Variants in OBSL1 observed in about 807,000 individuals in gnomAD.
OBSL1 encodes obscurin-like protein 1.
A neutral mutation model predicts 172.0 loss-of-function variants in OBSL1; 160 were observed. That is an observed-to-expected ratio of 0.93 (90% confidence interval 0.82 to 1.06). The LOEUF is 1.06. Ranked by LOEUF, OBSL1 falls within the 50% of genes least tolerant of loss-of-function variation. OBSL1 has a pLI of 0.00. For synonymous variants in OBSL1, 1,200 were observed against 1,196.3 expected, an observed-to-expected ratio of 1.00 and a Z score of -0.06; for missense variants, 2,681 against 2,715.4, an observed-to-expected ratio of 0.99 and a Z score of 0.28.
chr2:219,571,117 G>C lies in OBSL1; in HGVS notation c.116C>G (p.Pro39Arg). 1 of 1,470,098 alleles carries C rather than the reference G, an allele frequency of 6.8e-7. No individual in the cohort carries two copies. Among genetic ancestry groups the C allele is most frequent in the South Asian group, 1.3e-5 (1 of 76,412 alleles). 91.1% of individuals were successfully genotyped at this position (1,470,098 alleles called of 1,614,324 possible). ...AELKCVVLGEPPPVVVWEKGG... is the reference protein window; with the variant it reads ...AELKCVVLGERPPVVVWEKGG... Reference sequence around the variant, plus strand: ...CTTCTCCCACACCACTACAGGCGGCGGCTCCCCCAGGACCACGCACTTGAG... The same window carrying C: ...CTTCTCCCACACCACTACAGGCGGCCGCTCCCCCAGGACCACGCACTTGAG... The change falls in exon 1 of 21, where the codon CCG becomes CGG. Residue 39 changes from proline (P) to arginine (R), a missense_variant. Around this residue, in one of 5 missense-constraint regions of OBSL1, gnomAD observed 90 missense variants for 76.6 expected, o/e 1.18. Transcript: ENST00000404537.
rs1424157675 is a variant in OBSL1, at chr2:219,567,198, G to A, written c.1838-72C>T. ...GAGGGCAGAGGCTGGCGGATGGCAA[G>A]CCTGTGAGAGGACCAGCACTGAGGG... On this transcript the variant is annotated intron_variant, in intron 4 of 20. Transcript: ENST00000404537. 4 of 1,559,850 alleles carry A rather than the reference G, an allele frequency of 2.6e-6. No homozygotes were observed. In the African/African-American group the frequency reaches 4.1e-5, roughly 16 times the overall value.
chr2:219,555,445 ATTT>A (rs1695929692), intron 14 of OBSL1: 1 of 30,370 alleles, frequency 3.3e-5, no homozygotes, highest in African/African-American at 1.1e-4. Context: ...TGCCCGGCTA[ATTT>A]TTATTTTTTT....
chr2:219,568,409 T>G lies in OBSL1; in HGVS notation c.1013-85A>C. On this transcript the variant is annotated intron_variant, in intron 1 of 20. Transcript: ENST00000404537. The surrounding 1 kb of genome is among the most constrained non-coding windows in gnomAD (Gnocchi z 4.1). ...GGATACCTAGAAGCGCATTAGCTCA[T>G]GCTGTGTGCTCTTCATGCAGAGCCA... 7.8e-7 allele frequency: 1 copy of G among 1,285,604 alleles called. No homozygotes were observed. Among genetic ancestry groups the G allele is most frequent in the Admixed American group, 2.4e-5 (1 of 41,180 alleles). 79.6% of individuals were successfully genotyped at this position (1,285,604 alleles called of 1,614,324 possible).
chr2:219,554,590 A>G lies in OBSL1; in HGVS notation c.4760T>C (p.Ile1587Thr), dbSNP rs955664035. The change falls in exon 15 of 21, where the codon ATC becomes ACC. Residue 1587 changes from isoleucine to threonine, a missense_variant. Around this residue, in one of 5 missense-constraint regions of OBSL1, gnomAD observed 1,765 missense variants for 1,748.3 expected, o/e 1.01. Transcript: ENST00000404537. The part of the protein sequence containing the change: ...VQLYPGPKCH[I>T]HSDGHRHRLV... ...TCGGTGACGGTGGCCGTCCGAGTGG[A>G]TGTGACACTTGGGTCCTGGATACAG... 3.5e-5 allele frequency: 57 copies of G among 1,613,166 alleles called. No homozygotes were observed. The highest frequency in any genetic ancestry group is 4.5e-5 in the Non-Finnish European group (53 of 1,179,824).
rs1400677823 is a variant in OBSL1 at position 219,552,572 on chromosome 2, G to T, written c.5272C>A (p.Leu1758Met). ...ATGCGGACGCGGGCTCCGGGTCTCA[G>T]CGGGCGGCCTCCGAGCTCCCAGCGC... Reference protein sequence around the residue: ...TGRWELGGRPLRPGARVRIRQ... With the variant: ...TGRWELGGRPMRPGARVRIRQ... Residue 1758 changes from leucine (L) to methionine (M), a missense_variant, in exon 18 of 21, where the codon CTG becomes ATG. Around this residue, in one of 5 missense-constraint regions of OBSL1, gnomAD observed 1,765 missense variants for 1,748.3 expected, o/e 1.01. Transcript: ENST00000404537. 3.8e-6 allele frequency: 6 copies of T among 1,595,076 alleles called. No individual in the cohort carries two copies. Among genetic ancestry groups the T allele is most frequent in the Non-Finnish European group, 5.1e-6 (6 of 1,177,148 alleles).
At chr2:219,547,846 C>T (rs1695424172), downstream of OBSL1, 1 of 1,587,174 alleles carries the variant, frequency 6.3e-7, no homozygotes, top group African/African-American at 1.3e-5. Context: ...GCTGGCCCCG[C>T]CCACTCACCA....
At position 219,567,347 on chromosome 2, in the gene OBSL1, T is replaced by C; in HGVS notation, c.1763A>G (p.Tyr588Cys). The change falls in exon 4 of 21, where the codon TAC becomes TGC. Residue 588 changes from tyrosine to cysteine, a missense_variant. Tyr to Cys is a radical substitution (Grantham distance 194). This residue lies in a region of OBSL1 where 706 missense variants were observed against 695.8 expected (regional missense o/e 1.01). Coordinates refer to ENST00000404537, the MANE Select transcript of OBSL1 (RefSeq NM_015311.3). The stretch of plus-strand genomic sequence containing the variant: ...GCTGACTGTGCAGATGCGGAAGCGG[T>C]AGTCACCCTCGGAGGGCACACAGTC... The part of the protein sequence containing the change: ...PGDCVPSEGD[Y>C]RFRICTVSGH... 5.0e-6 allele frequency: 8 copies of C among 1,611,466 alleles called. No homozygotes were observed. Among genetic ancestry groups the C allele is most frequent in the Non-Finnish European group, 5.9e-6 (7 of 1,178,316 alleles).
At position 219,552,394 on chromosome 2, in the gene OBSL1, G is replaced by A. The variant is rs564194372; in HGVS notation, c.5308+142C>T. ...GTCCGGGACTAGGGGCTGGGGGCGG[G>A]GGAAAGAACAGGGACGAGGCTCACA... On this transcript the variant is annotated intron_variant, in intron 18 of 20. Transcript: ENST00000404537. 1.7e-4 allele frequency: 151 copies of A among 896,254 alleles called. No individual in the cohort carries two copies. In the African/African-American group the frequency reaches 2.3e-3, roughly 13 times the overall value. The allele number at this position is 896,254 out of a possible 1,614,324, so 55.5% of individuals were successfully genotyped here.
chr2:219,550,726 A>C, downstream of OBSL1: 1 of 1,436,944 alleles, frequency 7.0e-7, no homozygotes, highest in Non-Finnish European at 9.6e-7. Context: ...GAGGCAAGGA[A>C]ATGAGCTGTA....
intron 12 of OBSL1, 40 bp from the exon 13 acceptor site, chr2:219,556,763 T>C (rs557320485): frequency 9.8e-6 from 15 of 1,534,334 alleles, no homozygotes; most frequent in South Asian, 8.8e-5. Context: ...GCTGAGTCTT[T>C]TCTTCTCTCT....
rs1387142202 is a variant in OBSL1 at position 219,551,755 on chromosome 2, G to A, written c.5457C>T (p.Thr1819=). The A allele has an allele frequency of 1.3e-6, 2 of 1,597,246 alleles. No individual in the cohort carries two copies. The highest frequency in any genetic ancestry group is 1.3e-5 in the African/African-American group (1 of 74,694). ...GCACCGCCCGGCGGCCCACCAGAAC[G>A]GTCTTCTCGCGAGGGGGGTGGCGGC... ...QMCRHPPREK[T]VLVGRRAVLE... is the part of the protein sequence containing the mutation. Residue 1819 remains threonine (T), a synonymous_variant, in exon 20 of 21, where the codon ACC becomes ACT. Transcript: ENST00000404537.
chr2:219,561,022 G>A (rs562022587), intron 8 of OBSL1, among the ~76,000 whole-genome samples: 1 of 152,336 alleles, frequency 6.6e-6, no homozygotes, highest in South Asian at 2.1e-4. Context: ...AGTTTGTGTG[G>A]CTGTGGCCAT....
chr2:219,556,303 A>C lies in OBSL1; in HGVS notation c.4337-11T>G, dbSNP rs1470301432. Reference sequence around the variant, plus strand: ...ACAGCAGCTCTGTCTCTGGTGGGGAAGAAGGAGGCCATGGAGTCTGGTGGG... The same window carrying C: ...ACAGCAGCTCTGTCTCTGGTGGGGACGAAGGAGGCCATGGAGTCTGGTGGG... On this transcript the variant is annotated splice_polypyrimidine_tract_variant and intron_variant, in intron 13 of 20. Transcript: ENST00000404537. 1 of 1,573,408 alleles carries C rather than the reference A, an allele frequency of 6.4e-7. No individual in the cohort carries two copies. The highest frequency in any genetic ancestry group is 8.6e-7 in the Non-Finnish European group (1 of 1,156,474).
chr2:219,556,853 G>A (rs967355559), intron 12 of OBSL1, 130 bp from the exon 13 acceptor site: 3 of 1,003,536 alleles, frequency 3.0e-6, no homozygotes, highest in Admixed American at 2.9e-5. Flanking sequence ...ACTATGTATC[G>A]ACCACACCGA....
Position 219,552,570 on chromosome 2 carries a change from C to G in OBSL1, c.5274G>C (p.Leu1758=), listed in dbSNP as rs1172744945. The G allele has an allele frequency of 5.6e-6, 9 of 1,595,216 alleles. No individual in the cohort carries two copies. In the South Asian group the frequency reaches 1.0e-4, roughly 18 times the overall value. ...TGRWELGGRP[L]RPGARVRIRQ... is the part of the protein sequence containing the mutation. The stretch of plus-strand genomic sequence containing the variant: ...GGATGCGGACGCGGGCTCCGGGTCT[C>G]AGCGGGCGGCCTCCGAGCTCCCAGC... Residue 1758 remains leucine, a synonymous_variant, in exon 18 of 21, where the codon CTG becomes CTC. Transcript: ENST00000404537.
chr2:219,562,761 G>C (rs1306099561), intron 7 of OBSL1, 87 bp from the exon 8 acceptor site: 1 of 1,417,006 alleles, frequency 7.1e-7, no homozygotes, highest in African/African-American at 1.4e-5. Context: ...CCCCTGGAAA[G>C]TAGGCCATGT....
chr2:219,547,970 C>A, downstream of OBSL1: 1 of 1,588,114 alleles, frequency 6.3e-7, no homozygotes. Flanking sequence ...TGCTCCTGTG[C>A]CCCCACTCTG....
chr2:219,549,599 G>A, downstream of OBSL1: 1 of 1,484,722 alleles, frequency 6.7e-7, no homozygotes, highest in South Asian at 1.3e-5. Context: ...TCTCAGGGCT[G>A]TGGACTCTGG....
At chr2:219,553,412 A>C (rs947657768) in intron 16 of OBSL1, among the ~76,000 whole-genome samples, 162 bp downstream of exon 16, 2 of 152,122 alleles carry the variant, frequency 1.3e-5, no homozygotes, top group Non-Finnish European at 1.5e-5. Context: ...CAGTGACAAG[A>C]CCTACCTCCT....
Sources: gnomAD v4.1 joint callset for allele counts (sites outside exome capture counted in the v4.1 genomes callset) on GRCh38, gnomAD v4.1.1 for gene constraint, gnomAD v4.1.1 regional missense constraint, Gnocchi (gnomAD v3.1) non-coding constraint, MANE v1.5 for transcripts, NCBI Gene and HGNC (gene_info 2026-07-23, HGNC 2026-07-21) for gene names.